The following PCNX1 variants were observed in gnomAD, a reference collection of about 807,000 sequenced individuals.
PCNX1 encodes the protein pecanex-like protein 1.
PCNX1 carries 78 observed loss-of-function variants against 242.2 expected under a neutral mutation model. The observed-to-expected ratio is 0.32, with a 90% CI of 0.27 to 0.39. PCNX1 has a LOEUF of 0.39. Among genes scored for constraint, PCNX1 ranks in the 10% least tolerant of loss-of-function variants. PCNX1 has a pLI of 1.00. For synonymous variants in PCNX1, 1,024 were observed against 1,032.9 expected (o/e 0.99, Z 0.17); for missense variants, 2,581 against 2,856.5 (o/e 0.90, Z 2.20).
At position 70,988,630 on chromosome 14, in the gene PCNX1, C is replaced by G; in HGVS notation, c.2375C>G (p.Ala792Gly). The G allele has an allele frequency of 6.2e-7, 1 of 1,614,080 alleles. No homozygotes were observed. Among genetic ancestry groups the G allele is most frequent in the Non-Finnish European group, 8.5e-7 (1 of 1,179,958 alleles). Residue 792 changes from alanine (A) to glycine (G), a missense_variant, in exon 7 of 36, where the codon GCA (alanine) becomes GGA (glycine). By Grantham distance (60) the Ala-to-Gly change is moderately conservative. Around this residue, in one of 9 missense-constraint regions of PCNX1, gnomAD observed 1,204 missense variants for 1,216.7 expected, o/e 0.99. Transcript: ENST00000304743. ...GAACGCAGCACATTTAGGCGCCAGG[C>G]AGTACGGCGCCGGCACAATGCAGGG... is the stretch of plus-strand genomic sequence containing the variant. ...RRERSTFRRQ[A>G]VRRRHNAGSN...
chr14:71,085,124 A>T (rs993475137), intron 28 of PCNX1, among the ~76,000 whole-genome samples: 2 of 152,150 alleles, frequency 1.3e-5, no homozygotes, highest in African/African-American at 4.8e-5. Context: ...GTGCTTCCCA[A>T]GTGAGGCAAC....
intron 1 of PCNX1, among the ~76,000 whole-genome samples, chr14:70,920,968 C>G (rs1441170165): frequency 1.3e-5 from 2 of 152,102 alleles, no homozygotes; most frequent in East Asian, 3.8e-4. Flanking sequence ...GCAAATTAAT[C>G]TTTGTTCTGG....
chr14:71,007,718 A>G (rs756304256), intron 8 of PCNX1, among the ~76,000 whole-genome samples: 3 of 152,198 alleles, frequency 2.0e-5, no homozygotes, highest in East Asian at 1.9e-4. Context: ...TGATTATCCA[A>G]TAAATGAATA....
intron 15 of PCNX1, 60 bp from the exon 16 acceptor site, chr14:71,028,640 T>C: frequency 1.0e-6 from 1 of 976,204 alleles, no homozygotes; most frequent in East Asian, 2.6e-5. Flanking sequence ...TTCAGTGACC[T>C]TTTAATTATT....
intron 33 of PCNX1, among the ~76,000 whole-genome samples, chr14:71,107,364 T>A (rs1484501242): frequency 6.6e-6 from 1 of 152,114 alleles, no homozygotes; most frequent in Non-Finnish European, 1.5e-5. Context: ...GTAATTTTTT[T>A]TTTATTTGCT....
chr14:71,045,161 T>G lies in PCNX1; in HGVS notation c.3896T>G (p.Leu1299Trp). The change falls in exon 20 of 36, where the codon TTG becomes TGG. Residue 1299 changes from leucine to tryptophan, a missense_variant. Leu to Trp is a moderately conservative substitution (Grantham distance 61). This residue lies in a region of PCNX1 where 432 missense variants were observed against 443.1 expected (regional missense o/e 0.97). Transcript: ENST00000304743. The stretch of plus-strand genomic sequence containing the variant: ...GCCCTCAAGTATGTGTTGTATACAT[T>G]GGTTGGCTTTGTGGGTTTTGTAACC... ...QPALKYVLYTLVGFVGFVTHY... is the reference protein window; with the variant it reads ...QPALKYVLYTWVGFVGFVTHY... 1 of 1,612,346 alleles carries G rather than the reference T, an allele frequency of 6.2e-7. No homozygotes were observed. Among genetic ancestry groups the G allele is most frequent in the Non-Finnish European group, 8.5e-7 (1 of 1,179,262 alleles).
At chr14:70,955,255 G>A (rs974572620) in intron 2 of PCNX1, among the ~76,000 whole-genome samples, 2 of 152,184 alleles carry the variant, frequency 1.3e-5, no homozygotes, top group African/African-American at 4.8e-5. Flanking sequence ...TAATGCTTAT[G>A]ATATTGTAAA....
rs752684269 is a variant in PCNX1 at position 71,076,220 on chromosome 14, A to G, written c.5138A>G (p.Lys1713Arg). Residue 1713 changes from lysine to arginine, a missense_variant, in exon 28 of 36, where the codon AAG becomes AGG. Transcript: ENST00000304743. ...ATTTATTATGTTACGACCTCGTCTAAGCTAGAGGAGTGGCTAGCTAATGAG... is the reference window on the plus strand; with the variant it reads ...ATTTATTATGTTACGACCTCGTCTAGGCTAGAGGAGTGGCTAGCTAATGAG... Reference protein sequence around the residue: ...GIIYYVTTSSKLEEWLANETM... With the variant: ...GIIYYVTTSSRLEEWLANETM... The G allele has an allele frequency of 1.9e-6, 3 of 1,612,812 alleles. No homozygotes were observed. The African/African-American group carries it at 4.0e-5, about 22-fold the overall frequency.
At chr14:70,945,673 C>CTT (rs201576782) in intron 1 of PCNX1, among the ~76,000 whole-genome samples, 2 of 146,266 alleles carry the variant, frequency 1.4e-5, no homozygotes, top group Non-Finnish European at 1.5e-5. Context: ...TTGAGGTTAA[C>CTT]TTTTTTTTTT....
intron 16 of PCNX1, among the ~76,000 whole-genome samples, chr14:71,032,160 G>A (rs2060405802): frequency 6.6e-6 from 1 of 152,208 alleles, no homozygotes; most frequent in South Asian, 2.1e-4. Context: ...ACCCCAGCCT[G>A]CACTACACAT....
intron 8 of PCNX1, among the ~76,000 whole-genome samples, chr14:71,004,470 A>C (rs2059597656): frequency 6.6e-6 from 1 of 152,224 alleles, no homozygotes; most frequent in Non-Finnish European, 1.5e-5. Flanking sequence ...TAAACTGCAC[A>C]TGCAAGGGAT....
intron 3 of PCNX1, among the ~76,000 whole-genome samples, chr14:70,964,016 G>GT (rs772240773): frequency 2.0e-5 from 3 of 151,992 alleles, no homozygotes; most frequent in Admixed American, 6.6e-5. Context: ...TTTTGTTGTT[G>GT]TTGTTTGTTT....
intron 8 of PCNX1, among the ~76,000 whole-genome samples, chr14:71,000,397 A>C (rs1422397704): frequency 6.6e-6 from 1 of 152,140 alleles, no homozygotes; most frequent in African/African-American, 2.4e-5. Flanking sequence ...TAAAATGTAC[A>C]TGTGTATATG....
intron 1 of PCNX1, among the ~76,000 whole-genome samples, chr14:70,909,888 A>G (rs553646028): frequency 6.6e-6 from 1 of 152,252 alleles, no homozygotes; most frequent in African/African-American, 2.4e-5. Context: ...GAAATGGATA[A>G]TAAGATGGAG....
intron 26 of PCNX1, among the ~76,000 whole-genome samples, chr14:71,066,203 CA>C (rs1337044954): frequency 1.3e-5 from 2 of 152,142 alleles, no homozygotes; most frequent in African/African-American, 4.8e-5. Context: ...TTACTTTGGG[CA>C]GTATGGCCAT....
At chr14:70,948,743 ATG>A (rs2057577009) in intron 2 of PCNX1, among the ~76,000 whole-genome samples, 2 of 149,038 alleles carry the variant, frequency 1.3e-5, no homozygotes, top group East Asian at 2.0e-4. Context: ...ATATGTGTAT[ATG>A]TACATATATG....
intron 28 of PCNX1, among the ~76,000 whole-genome samples, chr14:71,081,017 G>A (rs952910037): frequency 1.3e-5 from 2 of 152,148 alleles, no homozygotes; most frequent in Non-Finnish European, 1.5e-5. Context: ...GTCATAAATA[G>A]CTCTTATTAT....
intron 2 of PCNX1, among the ~76,000 whole-genome samples, chr14:70,952,177 G>T (rs2057809162): frequency 6.6e-6 from 1 of 152,030 alleles, no homozygotes. Context: ...CCTGACACAT[G>T]GTAACACTTG....
At chr14:70,919,548 A>G (rs2140074774) in intron 1 of PCNX1, among the ~76,000 whole-genome samples, 1 of 152,248 alleles carries the variant, frequency 6.6e-6, no homozygotes, top group Admixed American at 6.5e-5. Context: ...ACAGACTAAT[A>G]ATATGGAGAA....
Sources: allele counts gnomAD v4.1 joint callset (sites outside exome capture counted in the v4.1 genomes callset), GRCh38; gene constraint gnomAD v4.1.1; regional missense constraint gnomAD v4.1.1; transcripts MANE v1.5; gene names NCBI Gene and HGNC (gene_info 2026-07-23, HGNC 2026-07-21).